The following ATXN2 variants were observed in gnomAD, a reference collection of about 807,000 sequenced individuals.
The protein encoded by ATXN2 is ataxin 2, also known as ataxin-2.
A neutral mutation model predicts 138.6 loss-of-function variants in ATXN2; 37 were observed. That is an observed-to-expected ratio of 0.27 (90% CI 0.21 to 0.35). ATXN2 has a LOEUF of 0.35. Ranked by LOEUF, ATXN2 falls within the 10% of genes least tolerant of loss-of-function variation. ATXN2 has a pLI of 1.00. For missense variants in ATXN2, 1,216 were observed against 1,480.3 expected, an observed-to-expected ratio of 0.82 and a Z score of 2.93; for synonymous variants, 549 against 543.7, an observed-to-expected ratio of 1.01 and a Z score of -0.13.
intron 8 of ATXN2, among the ~76,000 whole-genome samples, chr12:111,518,861 C>T (rs2135739726): frequency 6.6e-6 from 1 of 152,274 alleles, no homozygotes; most frequent in East Asian, 1.9e-4. Context: ...ACAGTGTCAA[C>T]ATCTATCAGT....
At chr12:111,482,876 G>A (rs1473807945) in intron 18 of ATXN2, 2 of 151,848 alleles carry the variant, frequency 1.3e-5, no homozygotes, top group South Asian at 2.1e-4. Flanking sequence ...AAAATTAAGA[G>A]TTTTAGTTAA....
rs1183460019 is a variant in ATXN2 at position 111,525,216 on chromosome 12, T to A, written c.672A>T (p.Glu224Asp). 1 of 1,612,132 alleles carries A rather than the reference T, an allele frequency of 6.2e-7. No homozygotes were observed. The highest frequency in any genetic ancestry group is 1.7e-5 in the Admixed American group (1 of 59,272). The change falls in exon 6 of 25, where the codon GAA becomes GAT. Residue 224 changes from glutamate to aspartate, a missense_variant. Around this residue, in one of 4 missense-constraint regions of ATXN2, gnomAD observed 401 missense variants for 528.1 expected, o/e 0.76. Coordinates refer to ENST00000673436, the MANE Select transcript of ATXN2 (RefSeq NM_001372574.1). ...CTACGTCATTTTCCAAAGCCTCAAGTTCCTCATTGGCTGTGAGTTCACCTG... is the reference window on the plus strand; with the variant it reads ...CTACGTCATTTTCCAAAGCCTCAAGATCCTCATTGGCTGTGAGTTCACCTG... ...WDAGELTANE[E>D]LEALENDVSN...
chr12:111,592,073 G>A (rs1206138891), intron 1 of ATXN2, among the ~76,000 whole-genome samples: 1 of 139,360 alleles, frequency 7.2e-6, no homozygotes, highest in Non-Finnish European at 1.5e-5. Context: ...GAGCAAAACT[G>A]TCTCAAAAAA....
chr12:111,469,582 G>A (rs915331482), intron 20 of ATXN2: 2 of 152,626 alleles, frequency 1.3e-5, no homozygotes, highest in Non-Finnish European at 2.9e-5. Context: ...TATTTAAAGT[G>A]TGACTCATGT....
chr12:111,488,666 A>C lies in ATXN2; in HGVS notation c.2050T>G (p.Phe684Val). ...CAGTTGCTGCTGCTATTTTCAATGAAAGAATCCTTAGCACTTGGTTCAATT... is the reference window on the plus strand; with the variant it reads ...CAGTTGCTGCTGCTATTTTCAATGACAGAATCCTTAGCACTTGGTTCAATT... ...DKIEPSAKDS[F>V]IENSSSNCTS... The change falls in exon 15 of 25, where the codon TTC becomes GTC. Residue 684 changes from phenylalanine (F) to valine (V), a missense_variant. Coordinates refer to ENST00000673436, the MANE Select transcript of ATXN2 (RefSeq NM_001372574.1). The C allele has an allele frequency of 6.2e-7, 1 of 1,614,028 alleles. No homozygotes were observed. The highest frequency in any genetic ancestry group is 8.5e-7 in the Non-Finnish European group (1 of 1,179,980).
chr12:111,520,219 T>C (rs879146543), intron 7 of ATXN2, 143 bp from the exon 8 acceptor site: 20 of 1,103,606 alleles, frequency 1.8e-5, no homozygotes, highest in Middle Eastern at 2.9e-4. Context: ...CTAAAAGTTA[T>C]AGTGATCTGT....
rs1460704820 is a variant in ATXN2 at position 111,470,286 on chromosome 12, A to G, written c.2710-46T>C. The G allele has an allele frequency of 1.3e-5, 20 of 1,585,202 alleles. No homozygotes were observed. In the Admixed American group the frequency reaches 3.4e-4, roughly 27 times the overall value. ...AAGAAAGCACATTAACACTGCAAAT[A>G]GAGCCAAGCAGACTTTAGTTAAGAT... On this transcript the variant is annotated intron_variant, in intron 19 of 24. Transcript: ENST00000673436.
intron 5 of ATXN2, among the ~76,000 whole-genome samples, chr12:111,529,825 G>A (rs568862503): frequency 6.6e-6 from 1 of 152,204 alleles, no homozygotes; most frequent in South Asian, 2.1e-4. Flanking sequence ...AACTAAAATG[G>A]TAGTGTTAAA....
At chr12:111,468,137 C>T (rs370172412) in intron 20 of ATXN2, among the ~76,000 whole-genome samples, 1 of 152,184 alleles carries the variant, frequency 6.6e-6, no homozygotes, top group African/African-American at 2.4e-5. Context: ...TAACCTAAGC[C>T]TTTAGCAAAC....
intron 1 of ATXN2, among the ~76,000 whole-genome samples, chr12:111,572,027 G>A (rs848130): frequency 0.32 from 42,403 of 132,694 alleles, 8,501 homozygotes; most frequent in African/African-American, 0.62. Flanking sequence ...AAAAAAAAAA[G>A]GGGCTTTTAA....
In ATXN2 at chr12:111,479,196, C is replaced by G. The variant is rs11065920; in HGVS notation, c.2524+6069G>C. On this transcript the variant is annotated intron_variant, in intron 18 of 24. Coordinates refer to ENST00000673436, the MANE Select transcript of ATXN2 (RefSeq NM_001372574.1). ...AGCTGGCAATAACTCAAATGCCCAT[C>G]GACTAGTAATGGGTAAATTAACTGT... The G allele has an allele frequency of 1.4e-5, 5 of 349,860 alleles. No homozygotes were observed. In the East Asian group the frequency reaches 2.0e-4, roughly 14 times the overall value. The allele number at this position is 349,860 out of a possible 1,614,324, so 21.7% of individuals were successfully genotyped here. A position where few individuals can be genotyped will look rare whatever the true frequency, so the allele number is the denominator to read the frequency against.
chr12:111,598,623 G>T lies in ATXN2; in HGVS notation c.251+161C>A. ...CAGAGGACCCCGGCTGCGCCCACCG[G>T]CCGAGCCTCGGGGCTCAGGCCCGAG... is the stretch of plus-strand genomic sequence containing the variant. On this transcript the variant is annotated intron_variant, in intron 1 of 24. Transcript: ENST00000673436. This position sits in a 1 kb window ranked among gnomAD's most constrained non-coding sequence, Gnocchi z 4.5. 1.1e-6 allele frequency: 1 copy of T among 951,732 alleles called. No individual in the cohort carries two copies. Among genetic ancestry groups the T allele is most frequent in the Non-Finnish European group, 1.3e-6 (1 of 797,960 alleles). 59.0% of individuals were successfully genotyped at this position (951,732 alleles called of 1,614,324 possible). A position where few individuals can be genotyped will look rare whatever the true frequency, so the allele number is the denominator to read the frequency against.
At chr12:111,593,073 C>A (rs1884758631) in intron 1 of ATXN2, among the ~76,000 whole-genome samples, 1 of 151,840 alleles carries the variant, frequency 6.6e-6, no homozygotes, top group South Asian at 2.1e-4. Context: ...AAATGAGATC[C>A]TCCTTTTTTT....
At chr12:111,486,306 ATACTT>A (rs1185639252) in intron 16 of ATXN2, among the ~76,000 whole-genome samples, 1 of 152,196 alleles carries the variant, frequency 6.6e-6, no homozygotes, top group Non-Finnish European at 1.5e-5. Context: ...ATCCTCCTAT[ATACTT>A]TACATCATCT....
At chr12:111,566,866 G>C (rs533920922) in intron 1 of ATXN2, among the ~76,000 whole-genome samples, 1 of 152,206 alleles carries the variant, frequency 6.6e-6, no homozygotes, top group Admixed American at 6.5e-5. Flanking sequence ...TTGAACTCCT[G>C]ACTTCAGGTG....
intron 1 of ATXN2, among the ~76,000 whole-genome samples, chr12:111,587,045 G>A (rs1884381245): frequency 6.9e-6 from 1 of 144,860 alleles, no homozygotes; most frequent in Non-Finnish European, 1.5e-5. Flanking sequence ...GGCCAGCCTG[G>A]GCAACATAAC....
intron 1 of ATXN2, among the ~76,000 whole-genome samples, chr12:111,566,170 C>T (rs1260873549): frequency 6.6e-6 from 1 of 152,102 alleles, no homozygotes; most frequent in East Asian, 1.9e-4. Flanking sequence ...CGGTGGCTCA[C>T]GCCTGTAATC....
chr12:111,486,950 A>G (rs1306987875), intron 15 of ATXN2, 126 bp from the exon 16 acceptor site: 24 of 738,006 alleles, frequency 3.3e-5, no homozygotes, highest in Non-Finnish European at 5.3e-5. Context: ...GAAGATCACT[A>G]ATCGTTTTTA....
intron 23 of ATXN2, chr12:111,455,427 G>A (rs1875007815): frequency 2.9e-6 from 1 of 349,540 alleles, no homozygotes. Context: ...GTGCTTCCAG[G>A]GCTGCTCTTA....
Sources: allele counts gnomAD v4.1 joint callset (sites outside exome capture counted in the v4.1 genomes callset), GRCh38; gene constraint gnomAD v4.1.1; regional missense constraint gnomAD v4.1.1; non-coding constraint Gnocchi (gnomAD v3.1); transcripts MANE v1.5; gene names NCBI Gene and HGNC (gene_info 2026-07-23, HGNC 2026-07-21).